The following SSUH2 variants were observed in gnomAD, a reference collection of about 807,000 sequenced individuals.
SSUH2 encodes ssu-2 homolog.
Under a neutral mutation model 55.3 loss-of-function variants are expected in SSUH2, and 47 were observed. The observed-to-expected ratio is 0.85, with a 90% CI of 0.67 to 1.08. SSUH2 has a LOEUF of 1.08. SSUH2 is among the 50% of genes least tolerant of loss of function. SSUH2 has a pLI of 0.00. For missense variants in SSUH2, 535 were observed against 490.7 expected, an observed-to-expected ratio of 1.09 and a Z score of -0.85; for synonymous variants, 212 against 191.5, an observed-to-expected ratio of 1.11 and a Z score of -0.89.
intron 6 of SSUH2, among the ~76,000 whole-genome samples, chr3:8,660,499 C>G (rs1703369957): frequency 6.6e-6 from 1 of 152,212 alleles, no homozygotes; most frequent in South Asian, 2.1e-4. Flanking sequence ...TAAGATAACA[C>G]TGTTTGAGAA....
At chr3:8,658,493 G>T (rs1033500172) in intron 7 of SSUH2, among the ~76,000 whole-genome samples, 1 of 152,196 alleles carries the variant, frequency 6.6e-6, no homozygotes, top group African/African-American at 2.4e-5. Context: ...GGCTTGGGCC[G>T]CCAGGCTGGG....
chr3:8,654,719 C>T (rs1407135934), intron 7 of SSUH2, among the ~76,000 whole-genome samples: 2 of 151,924 alleles, frequency 1.3e-5, no homozygotes, highest in Non-Finnish European at 2.9e-5. Flanking sequence ...CAGTGTGTGG[C>T]CTTCTCCCCA....
At chr3:8,639,661 T>C (rs1045904472) in intron 1 of SSUH2, among the ~76,000 whole-genome samples, 7 of 152,186 alleles carry the variant, frequency 4.6e-5, no homozygotes, top group Admixed American at 4.6e-4. Flanking sequence ...CCCTTTAACG[T>C]TCTCTTTTTA....
intron 3 of SSUH2, among the ~76,000 whole-genome samples, chr3:8,672,879 C>G (rs955956394): frequency 6.6e-6 from 1 of 151,726 alleles, no homozygotes; most frequent in African/African-American, 2.4e-5. Context: ...AGATGATATT[C>G]GGATCAATAT....
chr3:8,633,060 T>C (rs1421253306), intron 4 of SSUH2, among the ~76,000 whole-genome samples: 1 of 152,002 alleles, frequency 6.6e-6, no homozygotes, highest in African/African-American at 2.4e-5. Context: ...AGGGCAGCCA[T>C]GAGGATTTGA....
At chr3:8,639,607 G>T (rs748557443) in intron 1 of SSUH2, among the ~76,000 whole-genome samples, 1 of 152,182 alleles carries the variant, frequency 6.6e-6, no homozygotes, top group Non-Finnish European at 1.5e-5. Context: ...CTTTTGTATA[G>T]AAAGGAATTT....
At chr3:8,657,300 G>T (rs201695724) in intron 7 of SSUH2, among the ~76,000 whole-genome samples, 3 of 94,746 alleles carry the variant, frequency 3.2e-5, no homozygotes, top group Non-Finnish European at 7.2e-5. Context: ...AGTATTTGTT[G>T]AATAGGTGAG....
At chr3:8,657,340 C>T (rs1703036876) in intron 7 of SSUH2, among the ~76,000 whole-genome samples, 1 of 152,124 alleles carries the variant, frequency 6.6e-6, no homozygotes, top group African/African-American at 2.4e-5. Flanking sequence ...AAGGGTGGTA[C>T]AAGTCATGGA....
intron 11 of SSUH2, 38 bp from the exon 12 acceptor site, chr3:8,620,052 T>C: frequency 6.2e-7 from 1 of 1,608,830 alleles, no homozygotes; most frequent in Non-Finnish European, 8.5e-7. Flanking sequence ...GTCAGTGTTC[T>C]GTTCAAGTCA....
At position 8,635,340 on chromosome 3, in the gene SSUH2, G is replaced by A. The variant is rs1218676054; in HGVS notation, c.169C>T (p.Pro57Ser). Residue 57 changes from proline (P) to serine (S), a missense_variant, in exon 3 of 12, where the codon CCC becomes TCC. Transcript: ENST00000544814. ...FFPPLEAPGR[P>S]QEQRSWPSFL... ...GAGGGCCAGGACCTTTGCTCCTGGG[G>A]CCTCCCTGGGGCCTCCAAAGGTGGG... 2.0e-6 allele frequency: 3 copies of A among 1,535,986 alleles called. No homozygotes were observed. The highest frequency in any genetic ancestry group is 1.2e-5 in the South Asian group (1 of 84,030).
At chr3:8,642,091 T>C (rs1162906464) in intron 1 of SSUH2, among the ~76,000 whole-genome samples, 2 of 152,182 alleles carry the variant, frequency 1.3e-5, no homozygotes, top group Admixed American at 6.5e-5. Flanking sequence ...AAAAGCTGCC[T>C]CCTAAAATTA....
intron 2 of SSUH2, among the ~76,000 whole-genome samples, chr3:8,677,983 A>G (rs1294429594): frequency 1.4e-4 from 21 of 151,356 alleles, no homozygotes; most frequent in Non-Finnish European, 2.6e-4. Context: ...TCCTCCCTGA[A>G]TATTAAGAAC....
chr3:8,628,090 C>A (rs79916853), intron 7 of SSUH2, among the ~76,000 whole-genome samples: 7 of 152,132 alleles, frequency 4.6e-5, no homozygotes, highest in Non-Finnish European at 8.8e-5. Context: ...GGGACACAGG[C>A]GCTGGTCAGG....
At chr3:8,675,872 C>CAG (rs1705196255) in intron 3 of SSUH2, among the ~76,000 whole-genome samples, 1 of 152,032 alleles carries the variant, frequency 6.6e-6, no homozygotes, top group Non-Finnish European at 1.5e-5. Flanking sequence ...GTATGCGTCA[C>CAG]AGAGAGAAAA....
chr3:8,619,829 CA>C lies in SSUH2; in HGVS notation c.*38del. 1.2e-6 allele frequency: 2 copies of C among 1,602,116 alleles called. No homozygotes were observed. Among genetic ancestry groups the C allele is most frequent in the Non-Finnish European group, 1.7e-6 (2 of 1,173,762 alleles). The stretch of plus-strand genomic sequence containing the variant: ...AGAGAGTGTCGGCCATCTTCCTTGG[CA>C]AACGTGAATGGCAGGCTCTGGGGAC... On this transcript the variant is annotated 3_prime_UTR_variant, in exon 12 of 12. Coordinates refer to ENST00000544814, the MANE Select transcript of SSUH2 (RefSeq NM_001256748.3).
rs541692271 is a variant in SSUH2, at chr3:8,654,632, C to T, written c.-307+4293G>A. ...CACTTTACAGACAGATGCCGGAGCT[C>T]CAGGGAAAATATAAATATCTCAATG... On this transcript the variant is annotated intron_variant, in intron 7 of 18. Coordinates refer to the SSUH2 transcript ENST00000317371. 2.6e-5 allele frequency among the ~76,000 whole-genome samples: 4 copies of T among 152,264 alleles called. No homozygotes were observed. In the South Asian group the frequency reaches 6.2e-4, roughly 24 times the overall value.
At position 8,620,195 on chromosome 3, in the gene SSUH2, T is replaced by C. The variant is rs1332583683; in HGVS notation, c.982-181A>G. ...TCACCTTGAATTATAATAATCTTCA[T>C]GTGACATAAGAGGACCTAGAGGGAG... is the stretch of plus-strand genomic sequence containing the variant. On this transcript the variant is annotated intron_variant, in intron 11 of 11. Transcript: ENST00000544814. 9.2e-5 allele frequency among the ~76,000 whole-genome samples: 14 copies of C among 152,180 alleles called. 1 individual carries two copies. The highest frequency in any genetic ancestry group is 9.2e-4 in the Admixed American group (14 of 15,286).
Position 8,625,524 on chromosome 3 carries a change from T to C in SSUH2, c.873+18A>G, listed in dbSNP as rs779046448. The C allele has an allele frequency of 7.1e-6, 11 of 1,543,504 alleles. No homozygotes were observed. The highest frequency in any genetic ancestry group is 9.0e-6 in the Non-Finnish European group (10 of 1,116,814). On this transcript the variant is annotated intron_variant, in intron 10 of 11. Transcript: ENST00000544814. ...AGGAACCCAGCTTCCTTTGTTCCCA[T>C]CTACAATGCCCTCTTACCACCGAGT...
rs553714988 is a variant in SSUH2, at chr3:8,658,636, T to G, written c.-307+289A>C. ...CCCACTGGAAAGGCAAAGGCCAGAC[T>G]ATTTCTGGCTGCAAAAACAAGCCCC... On this transcript the variant is annotated intron_variant, in intron 7 of 18. Coordinates refer to the SSUH2 transcript ENST00000317371. Among the ~76,000 whole-genome samples the G allele has an allele frequency of 5.9e-3, 904 of 152,340 alleles. 3 individuals are homozygous for G. The highest frequency in any genetic ancestry group is 8.9e-3 in the Non-Finnish European group (607 of 68,022).
Sources: gnomAD v4.1 joint callset for allele counts (sites outside exome capture counted in the v4.1 genomes callset) on GRCh38, gnomAD v4.1.1 for gene constraint, MANE v1.5 for transcripts, NCBI Gene and HGNC (gene_info 2026-07-23, HGNC 2026-07-21) for gene names.